The following PDE4B variants were observed in gnomAD, a reference collection of about 807,000 sequenced individuals.
PDE4B encodes phosphodiesterase 4B.
A neutral mutation model predicts 82.2 loss-of-function variants in PDE4B; 20 were observed. The observed-to-expected ratio is 0.24, with a 90% CI of 0.17 to 0.35. The LOEUF (loss-of-function observed/expected upper bound fraction) is 0.35. Among genes scored for constraint, PDE4B ranks in the 10% least tolerant of loss-of-function variants. The pLI is 1.00. For missense variants in PDE4B, 655 were observed against 907.2 expected (o/e 0.72, Z 3.57); for synonymous variants, 320 against 318.9 (o/e 1.00, Z -0.04).
intron 1 of PDE4B, among the ~76,000 whole-genome samples, chr1:65,889,806 G>T (rs1268637786): frequency 6.6e-6 from 1 of 152,098 alleles, no homozygotes; most frequent in Non-Finnish European, 1.5e-5. Flanking sequence ...TGGAGTCATT[G>T]TGTTCAGTAG....
At chr1:65,857,231 A>T (rs979648109) in intron 1 of PDE4B, among the ~76,000 whole-genome samples, 1 of 152,194 alleles carries the variant, frequency 6.6e-6, no homozygotes, top group Non-Finnish European at 1.5e-5. Flanking sequence ...TATCTTACCC[A>T]GAGTCAAAAC....
chr1:66,222,041 T>A (rs1008957731), intron 3 of PDE4B, among the ~76,000 whole-genome samples: 4 of 151,996 alleles, frequency 2.6e-5, no homozygotes, highest in Admixed American at 6.6e-5. Flanking sequence ...TGTGGCTGGG[T>A]CATCAGTAAC....
intron 3 of PDE4B, among the ~76,000 whole-genome samples, chr1:66,100,391 A>C (rs1015568613): frequency 1.3e-5 from 2 of 152,072 alleles, no homozygotes; most frequent in Non-Finnish European, 2.9e-5. Flanking sequence ...CCTTAATTTC[A>C]AAGTAAGATC....
At chr1:65,992,905 A>G in intron 3 of PDE4B, 1 of 1,613,434 alleles carries the variant, frequency 6.2e-7, no homozygotes, top group Non-Finnish European at 8.5e-7. Flanking sequence ...TCCTTACAAG[A>G]CATGACAGCA....
chr1:66,234,257 A>G (rs1652220863), intron 3 of PDE4B, among the ~76,000 whole-genome samples: 1 of 152,182 alleles, frequency 6.6e-6, no homozygotes, highest in African/African-American at 2.4e-5. Flanking sequence ...GAATTCGTCC[A>G]CTTCATTGAA....
intron 1 of PDE4B, among the ~76,000 whole-genome samples, chr1:65,854,078 TTA>T (rs71590334): frequency 0.16 from 24,415 of 151,924 alleles, 2,490 homozygotes; most frequent in Non-Finnish European, 0.23. Flanking sequence ...GGCAATATGC[TTA>T]TCATGTTTAC....
chr1:65,950,694 GGAGAAGGGAGGGAAAGT>G (rs1448332533), intron 3 of PDE4B, among the ~76,000 whole-genome samples: 1 of 152,030 alleles, frequency 6.6e-6, no homozygotes, highest in Non-Finnish European at 1.5e-5. Flanking sequence ...AGTCAACCCT[GGAGAAGGGAGGGAAAGT>G]GGTGTATCCA....
intron 1 of PDE4B, among the ~76,000 whole-genome samples, chr1:65,898,388 T>G (rs1646934016): frequency 6.6e-6 from 1 of 152,090 alleles, no homozygotes; most frequent in Non-Finnish European, 1.5e-5. Flanking sequence ...GAGGACTTAG[T>G]CATAAATTCT....
At chr1:66,181,503 G>A (rs1647062536) in intron 3 of PDE4B, among the ~76,000 whole-genome samples, 2 of 152,158 alleles carry the variant, frequency 1.3e-5, no homozygotes, top group African/African-American at 4.8e-5. Flanking sequence ...ATAACATAAT[G>A]AGCTGATGAT....
At chr1:66,189,193 C>G (rs1273743087) in intron 3 of PDE4B, among the ~76,000 whole-genome samples, 1 of 152,018 alleles carries the variant, frequency 6.6e-6, no homozygotes. Context: ...GAGTTTCTGC[C>G]AAGAGATCAG....
chr1:66,022,132 T>C (rs891115611), intron 3 of PDE4B, among the ~76,000 whole-genome samples: 2 of 152,228 alleles, frequency 1.3e-5, no homozygotes, highest in African/African-American at 4.8e-5. Flanking sequence ...TGTATAGGAA[T>C]GCTTGTGATT....
At chr1:65,862,908 A>G (rs1020820340) in intron 1 of PDE4B, among the ~76,000 whole-genome samples, 1 of 152,114 alleles carries the variant, frequency 6.6e-6, no homozygotes, top group African/African-American at 2.4e-5. Flanking sequence ...ATCCTTCATC[A>G]TTTTTTATTG....
intron 7 of PDE4B, among the ~76,000 whole-genome samples, chr1:66,276,253 G>A (rs1164878382): frequency 2.6e-5 from 4 of 152,148 alleles, no homozygotes; most frequent in African/African-American, 9.7e-5. Flanking sequence ...AAACTTCTTT[G>A]CGTATATTAT....
chr1:66,245,226 G>A (rs1434035435), intron 3 of PDE4B, among the ~76,000 whole-genome samples: 1 of 152,140 alleles, frequency 6.6e-6, no homozygotes, highest in Non-Finnish European at 1.5e-5. Flanking sequence ...TGACCCTGGA[G>A]GGCCTGGGGC....
rs779982795 is a variant in PDE4B at position 65,961,957 on chromosome 1, T to C, written c.281+43122T>C. 2.0e-4 allele frequency among the ~76,000 whole-genome samples: 30 copies of C among 152,198 alleles called. 1 individual carries two copies. Among genetic ancestry groups the C allele is most frequent in the Non-Finnish European group, 3.8e-4 (26 of 68,032 alleles). On this transcript the variant is annotated intron_variant, in intron 3 of 16. Transcript: ENST00000341517. ...TCTGTAGCATGCGATTTAACACAGA[T>C]GCTTCTCCACTTATAATGAGATTAC...
chr1:65,875,266 A>C (rs1334123605), intron 1 of PDE4B, among the ~76,000 whole-genome samples: 22 of 150,466 alleles, frequency 1.5e-4, no homozygotes, highest in Admixed American at 1.5e-3. Context: ...ATCTCACACC[A>C]GTTAGAATGG....
At chr1:66,112,805 C>T (rs1031918882) in intron 3 of PDE4B, 1 of 152,182 alleles carries the variant, frequency 6.6e-6, no homozygotes, top group African/African-American at 2.4e-5. Flanking sequence ...ATCAGCAAAT[C>T]ATCATAGCAA....
chr1:66,133,968 G>A (rs1398367681), intron 3 of PDE4B, among the ~76,000 whole-genome samples: 7 of 151,878 alleles, frequency 4.6e-5, no homozygotes, highest in Admixed American at 1.3e-4. Context: ...TGCTTCAGTG[G>A]AAGAGAAGGG....
chr1:65,873,481 G>T (rs1008944831), intron 1 of PDE4B, among the ~76,000 whole-genome samples: 4 of 152,200 alleles, frequency 2.6e-5, no homozygotes, highest in Non-Finnish European at 5.9e-5. Context: ...TATAAAGTGT[G>T]AGATTGGAGA....
Sources: gnomAD v4.1 joint callset for allele counts (sites outside exome capture counted in the v4.1 genomes callset) on GRCh38, gnomAD v4.1.1 for gene constraint, MANE v1.5 for transcripts, NCBI Gene and HGNC (gene_info 2026-07-23, HGNC 2026-07-21) for gene names.